Variants in USH2A observed in about 807,000 individuals in gnomAD.
USH2A encodes usherin.
In USH2A, 443 loss-of-function variants were observed where a neutral mutation model predicts 538.9. The ratio of observed to expected loss-of-function variants is 0.82; its 90% CI spans 0.76 to 0.89. The LOEUF (loss-of-function observed/expected upper bound fraction) is 0.89. USH2A is among the 40% of genes least tolerant of loss of function. The probability of loss-of-function intolerance (pLI) is 0.00; values close to 1 mark genes in which losing one functional copy is unlikely to be tolerated. For missense variants in USH2A, 6,633 were observed against 6,324.8 expected, an observed-to-expected ratio of 1.05 and a Z score of -1.65; for synonymous variants, 2,413 against 2,273.5, an observed-to-expected ratio of 1.06 and a Z score of -1.75.
chr1:216,028,785 T>TA (rs766267348), intron 32 of USH2A, among the ~76,000 whole-genome samples: 1 of 152,052 alleles, frequency 6.6e-6, no homozygotes, highest in Non-Finnish European at 1.5e-5. Flanking sequence ...GTATTAATTT[T>TA]AAAAAACTTA....
intron 64 of USH2A, among the ~76,000 whole-genome samples, chr1:215,662,174 A>C (rs1657456667): frequency 6.6e-6 from 1 of 152,212 alleles, no homozygotes; most frequent in Non-Finnish European, 1.5e-5. Context: ...ATGTTTTTAC[A>C]GGACCTAAGT....
intron 20 of USH2A, among the ~76,000 whole-genome samples, chr1:216,176,165 G>GT (rs146713260): frequency 0.01 from 1,581 of 152,166 alleles, 26 homozygotes; most frequent in African/African-American, 0.036. Flanking sequence ...CATTATTTTT[G>GT]TTTTTGATTG....
At position 216,097,349 on chromosome 1, in the gene USH2A, T is replaced by C. The variant is rs74482152; in HGVS notation, c.4628-136A>G. ...AATTATACACAGCAATATACTCGCA[T>C]GGTCTAGGCCATTTGGTTTTAAATA... On this transcript the variant is annotated intron_variant, in intron 21 of 71. Transcript: ENST00000307340. The C allele has an allele frequency of 3.4e-3, 5,102 of 1,484,352 alleles. 152 individuals are homozygous for C. The African/African-American group carries it at 0.063, about 18-fold the overall frequency. 91.9% of individuals were successfully genotyped at this position (1,484,352 alleles called of 1,614,324 possible).
At position 216,159,537 on chromosome 1, in the gene USH2A, TACACAC is replaced by T. The variant is rs60343349; in HGVS notation, c.4627+15709_4627+15714del. Among the ~76,000 whole-genome samples, 896 of 146,908 alleles carry T rather than the reference TACACAC, an allele frequency of 6.1e-3. 3 individuals are homozygous for T. Among genetic ancestry groups the T allele is most frequent in the South Asian group, 0.02 (92 of 4,574 alleles). ...GTCATGATATAACATTTTATTTATG[TACACAC>T]ACACACACACACACACACACACACA... On this transcript the variant is annotated intron_variant, in intron 21 of 71. Coordinates refer to ENST00000307340, the MANE Select transcript of USH2A (RefSeq NM_206933.4).
chr1:216,342,730 C>T (rs934681067), intron 4 of USH2A, among the ~76,000 whole-genome samples: 10 of 152,148 alleles, frequency 6.6e-5, no homozygotes, highest in Middle Eastern at 3.4e-3. Context: ...AGCAAACTAA[C>T]ACAGAAACAG....
chr1:216,381,197 C>G (rs930905875), intron 3 of USH2A, among the ~76,000 whole-genome samples: 1 of 151,960 alleles, frequency 6.6e-6, no homozygotes, highest in African/African-American at 2.4e-5. Context: ...GAAAAGTGTA[C>G]AAGCTAGAAG....
chr1:215,683,731 C>G (rs997490926), intron 61 of USH2A, among the ~76,000 whole-genome samples: 4 of 151,818 alleles, frequency 2.6e-5, no homozygotes, highest in Non-Finnish European at 5.9e-5. Flanking sequence ...TCTTCTTATT[C>G]ACCCTTTCCT....
chr1:216,247,846 T>C (rs2036082956), intron 12 of USH2A, among the ~76,000 whole-genome samples: 1 of 152,138 alleles, frequency 6.6e-6, no homozygotes, highest in African/African-American at 2.4e-5. Flanking sequence ...TTTTATAATG[T>C]GTACATATAT....
At chr1:215,891,872 G>T (rs879462376) in intron 40 of USH2A, among the ~76,000 whole-genome samples, 2 of 152,140 alleles carry the variant, frequency 1.3e-5, no homozygotes, top group Non-Finnish European at 2.9e-5. Flanking sequence ...CTCCGTGGGT[G>T]TAATTGTTTA....
At chr1:216,338,071 A>C (rs2038007772) in intron 4 of USH2A, among the ~76,000 whole-genome samples, 1 of 151,446 alleles carries the variant, frequency 6.6e-6, no homozygotes, top group South Asian at 2.1e-4. Flanking sequence ...AATCAGCATA[A>C]CAATATAAAT....
intron 41 of USH2A, among the ~76,000 whole-genome samples, chr1:215,887,338 A>AT (rs1436248982): frequency 6.6e-6 from 1 of 151,832 alleles, no homozygotes; most frequent in Non-Finnish European, 1.5e-5. Context: ...CTCCCCCAAG[A>AT]TTGAAAAAAA....
intron 9 of USH2A, among the ~76,000 whole-genome samples, chr1:216,312,663 A>T (rs11120758): frequency 0.38 from 57,423 of 151,894 alleles, 11,804 homozygotes; most frequent in African/African-American, 0.55. Flanking sequence ...TTTATCTTTC[A>T]GCTTATATTG....
In USH2A at chr1:216,349,178, T is replaced by C. The variant is rs563953870; in HGVS notation, c.784+15775A>G. The stretch of plus-strand genomic sequence containing the variant: ...TGAATGGACCTTGACATACCAGCAT[T>C]TTCTGATTGAGTTCCTCTCTATCCC... On this transcript the variant is annotated intron_variant, in intron 4 of 71. Coordinates refer to ENST00000307340, the MANE Select transcript of USH2A (RefSeq NM_206933.4). Among the ~76,000 whole-genome samples the C allele has an allele frequency of 3.3e-5, 5 of 152,216 alleles. No homozygotes were observed. In the East Asian group the frequency reaches 9.7e-4, roughly 29 times the overall value.
At chr1:215,699,952 A>G (rs1435690681) in intron 61 of USH2A, among the ~76,000 whole-genome samples, 1 of 152,196 alleles carries the variant, frequency 6.6e-6, no homozygotes, top group Non-Finnish European at 1.5e-5. Flanking sequence ...TTTGTCATAA[A>G]TAGCTCTTAT....
chr1:216,257,426 G>A (rs1011420190), intron 11 of USH2A, among the ~76,000 whole-genome samples: 9 of 151,872 alleles, frequency 5.9e-5, no homozygotes, highest in Non-Finnish European at 8.8e-5. Flanking sequence ...TATTTAACAC[G>A]TCTTTTTCCT....
At chr1:215,639,358 C>A in intron 68 of USH2A, 120 bp from the exon 69 acceptor site, 2 of 908,094 alleles carry the variant, frequency 2.2e-6, no homozygotes, top group East Asian at 2.6e-5. Context: ...CAAGTTATGA[C>A]GTTTTATATA....
Position 215,758,770 on chromosome 1 carries a change from G to A in USH2A, c.11232-18C>T, listed in dbSNP as rs1405325901. ...AAGTGTATCTATATTTAAAAAGAAA[G>A]AAGAATTGTGGTAAGGCCATGCACA... is the stretch of plus-strand genomic sequence containing the variant. On this transcript the variant is annotated intron_variant, in intron 57 of 71. Coordinates refer to ENST00000307340, the MANE Select transcript of USH2A (RefSeq NM_206933.4). 3 of 1,612,404 alleles carry A rather than the reference G, an allele frequency of 1.9e-6. No homozygotes were observed. In the African/African-American group the frequency reaches 4.0e-5, roughly 22 times the overall value.
intron 61 of USH2A, among the ~76,000 whole-genome samples, chr1:215,701,646 C>T (rs941967643): frequency 6.6e-6 from 1 of 151,964 alleles, no homozygotes; most frequent in Non-Finnish European, 1.5e-5. Context: ...GCAACCCCTG[C>T]TTTTTTTGCT....
intron 61 of USH2A, among the ~76,000 whole-genome samples, chr1:215,695,518 C>T (rs1571965405): frequency 6.6e-6 from 1 of 151,954 alleles, no homozygotes. Flanking sequence ...CTAAAACTTA[C>T]AACTTACAGG....
Sources: allele counts gnomAD v4.1 joint callset (sites outside exome capture counted in the v4.1 genomes callset), GRCh38; gene constraint gnomAD v4.1.1; transcripts MANE v1.5; gene names NCBI Gene and HGNC (gene_info 2026-07-23, HGNC 2026-07-21).